The following USP2 variants were observed in gnomAD, a reference collection of about 807,000 sequenced individuals.
USP2 encodes the protein ubiquitin carboxyl-terminal hydrolase 2.
In USP2, 33 loss-of-function variants were observed where a neutral mutation model predicts 72.0. The ratio of observed to expected loss-of-function variants is 0.46; its 90% CI spans 0.35 to 0.61. The LOEUF is 0.61. Among genes scored for constraint, USP2 ranks in the 20% least tolerant of loss-of-function variants. The probability of loss-of-function intolerance (pLI) is 0.01; values close to 1 mark genes in which losing one functional copy is unlikely to be tolerated. For missense variants in USP2, 691 were observed against 797.8 expected (o/e 0.87, Z 1.61); for synonymous variants, 296 against 312.5 (o/e 0.95, Z 0.56).
At chr11:119,381,333 C>T (rs1191893068) in intron 1 of USP2, 140 bp downstream of exon 1, 14 of 927,330 alleles carry the variant, frequency 1.5e-5, no homozygotes, top group Admixed American at 2.7e-5. Context: ...ACAGCTGGAG[C>T]GTCCCTGCAC....
At chr11:119,357,736 C>A (rs1187513634) in intron 10 of USP2, 21 bp downstream of exon 10, 1 of 1,613,670 alleles carries the variant, frequency 6.2e-7, no homozygotes, top group Admixed American at 1.7e-5. Context: ...ATGTCCCAGC[C>A]CTGATGGATC....
chr11:119,360,401 GAATGC>G, intron 2 of USP2, 167 bp from the exon 3 acceptor site: 1 of 738,452 alleles, frequency 1.4e-6, no homozygotes, highest in South Asian at 1.5e-5. Flanking sequence ...GAGGATTGAG[GAATGC>G]CTGTGATTTT....
At chr11:119,376,265 AGGAGAGC>A in intron 1 of USP2, 1 of 985,674 alleles carries the variant, frequency 1.0e-6, no homozygotes, top group Non-Finnish European at 1.2e-6. Flanking sequence ...CACTATGGGC[AGGAGAGC>A]GGGCTGGGGC....
intron 2 of USP2, among the ~76,000 whole-genome samples, chr11:119,365,071 T>G (rs756883864): frequency 6.6e-6 from 1 of 152,050 alleles, no homozygotes; most frequent in Non-Finnish European, 1.5e-5. Flanking sequence ...GCCCCACCCC[T>G]CCACCTAACA....
In USP2 at chr11:119,357,489, T is replaced by C. The variant is rs1858413732; in HGVS notation, c.1603A>G (p.Asn535Asp). 7 of 1,614,172 alleles carry C rather than the reference T, an allele frequency of 4.3e-6. No individual in the cohort carries two copies. The highest frequency in any genetic ancestry group is 2.2e-5 in the East Asian group (1 of 44,870). The change falls in exon 11 of 13, where the codon AAC (asparagine) becomes GAC (aspartate). Residue 535 changes from asparagine (N) to aspartate (D), a missense_variant. Transcript: ENST00000260187. Reference sequence around the variant, plus strand: ...CCTACTCAAAGATACTCACTGGTGTTTTCTGAGGCAAATTCTCTTAAGTCC... The same window carrying C: ...CCTACTCAAAGATACTCACTGGTGTCTTCTGAGGCAAATTCTCTTAAGTCC... ...DLDLREFASENTNHAVYNLYA... is the reference protein window; with the variant it reads ...DLDLREFASEDTNHAVYNLYA...
chr11:119,379,396 T>G, intron 1 of USP2: 3 of 801,724 alleles, frequency 3.7e-6, no homozygotes, highest in Non-Finnish European at 4.5e-6. Context: ...GAGACAAAAA[T>G]ATGGAGAAAG....
intron 1 of USP2, among the ~76,000 whole-genome samples, chr11:119,376,899 A>C (rs1314787994): frequency 6.6e-6 from 1 of 152,252 alleles, no homozygotes; most frequent in Non-Finnish European, 1.5e-5. Context: ...GAGCACCCCA[A>C]AAAGTCTTAG....
Position 119,373,487 on chromosome 11 carries a change from G to A in USP2, c.-7C>T, listed in dbSNP as rs1214672291. 1 of 1,566,984 alleles carries A rather than the reference G, an allele frequency of 6.4e-7. No homozygotes were observed. Among genetic ancestry groups the A allele is most frequent in the African/African-American group, 1.3e-5 (1 of 74,422 alleles). On this transcript the variant is annotated 5_prime_UTR_variant, in exon 2 of 13. Coordinates refer to ENST00000260187, the MANE Select transcript of USP2 (RefSeq NM_004205.5). ...TGGAGGAGAGCTGGGACATCCTTCA[G>A]GGTGGCACTCAGTGGGGACTGGGAG... is the stretch of plus-strand genomic sequence containing the variant.
At chr11:119,381,435 GAAT>G (rs1377175854) in intron 1 of USP2, 35 bp downstream of exon 1, 3 of 1,534,140 alleles carry the variant, frequency 2.0e-6, no homozygotes, top group Non-Finnish European at 2.6e-6. Context: ...ACTGATCCCC[GAAT>G]CCCCCCTCCC....
intron 3 of USP2, among the ~76,000 whole-genome samples, 185 bp from the exon 4 acceptor site, chr11:119,359,845 C>A (rs900348665): frequency 1.3e-5 from 2 of 152,160 alleles, no homozygotes; most frequent in African/African-American, 4.8e-5. Context: ...CCACTCCAGG[C>A]ATAGGTGACC....
Position 119,356,572 on chromosome 11 carries a change from A to G in USP2, c.*263T>C, listed in dbSNP as rs1053109559. 8.1e-6 allele frequency: 4 copies of G among 491,772 alleles called. No individual in the cohort carries two copies. Among genetic ancestry groups the G allele is most frequent in the African/African-American group, 4.0e-5 (2 of 49,542 alleles). The allele number at this position is 491,772 out of a possible 1,614,324, so 30.5% of individuals were successfully genotyped here. A position where few individuals can be genotyped will look rare whatever the true frequency, so the allele number is the denominator to read the frequency against. On this transcript the variant is annotated 3_prime_UTR_variant, in exon 13 of 13. Coordinates refer to ENST00000260187, the MANE Select transcript of USP2 (RefSeq NM_004205.5). ...GTTTCTGACACATAGGAAGACCACAAGTTTACAAATGCAAACGCCGAGGGC... is the reference window on the plus strand; with the variant it reads ...GTTTCTGACACATAGGAAGACCACAGGTTTACAAATGCAAACGCCGAGGGC...
At chr11:119,360,480 G>A (rs1050862443) in intron 2 of USP2, 21 of 557,482 alleles carry the variant, frequency 3.8e-5, no homozygotes, top group Non-Finnish European at 6.7e-5. Flanking sequence ...CTGGAGTGCA[G>A]TGGTACGATC....
intron 2 of USP2, among the ~76,000 whole-genome samples, chr11:119,361,287 G>A (rs1950761349): frequency 6.6e-6 from 1 of 152,194 alleles, no homozygotes; most frequent in Non-Finnish European, 1.5e-5. Context: ...CGGGTGAGGG[G>A]GTTGGAGAGA....
At chr11:119,363,840 C>A in intron 2 of USP2, 1 of 1,410,362 alleles carries the variant, frequency 7.1e-7, no homozygotes, top group South Asian at 1.5e-5. Context: ...CGGAAAAGGG[C>A]CCGCGTACCT....
In USP2 at chr11:119,359,560, T is replaced by A; in HGVS notation, c.926A>T (p.Asn309Ile). 6.2e-7 allele frequency: 1 copy of A among 1,613,972 alleles called. No homozygotes were observed. Among genetic ancestry groups the A allele is most frequent in the Non-Finnish European group, 8.5e-7 (1 of 1,180,006 alleles). ...LYMRDLHHGS[N>I]AHTALVEEFA... is the part of the protein sequence containing the mutation. ...ACCTTCCACGAGGGCTGTGTGTGCA[T>A]TGCTGCCGTGGTGCAGGTCCCGCAT... Residue 309 changes from asparagine (N) to isoleucine (I), a missense_variant, in exon 4 of 13, where the codon AAT becomes ATT. Coordinates refer to ENST00000260187, the MANE Select transcript of USP2 (RefSeq NM_004205.5).
At chr11:119,360,267 A>C (rs1292939827) in intron 2 of USP2, 33 bp from the exon 3 acceptor site, 1 of 1,612,018 alleles carries the variant, frequency 6.2e-7, no homozygotes, top group Non-Finnish European at 8.5e-7. Flanking sequence ...AATAAGGTGG[A>C]AGCAAAGATG....
At chr11:119,371,090 G>C (rs182340997) in intron 2 of USP2, among the ~76,000 whole-genome samples, 44 of 152,296 alleles carry the variant, frequency 2.9e-4, no homozygotes, top group Non-Finnish European at 5.0e-4. Flanking sequence ...GGAAAGAGCA[G>C]CTTCCCAGGC....
rs973522439 is a variant in USP2 at position 119,355,947 on chromosome 11, G to C, written c.*888C>G. On this transcript the variant is annotated 3_prime_UTR_variant, in exon 13 of 13. Transcript: ENST00000260187. Reference sequence around the variant, plus strand: ...GTTTGAACAGAGCACTGGGGAAAAGGGAAGAGGCTGAGGGATATTTCAGGA... The same window carrying C: ...GTTTGAACAGAGCACTGGGGAAAAGCGAAGAGGCTGAGGGATATTTCAGGA... 6.6e-6 allele frequency: 1 copy of C among 151,892 alleles called. No individual in the cohort carries two copies. Among genetic ancestry groups the C allele is most frequent in the Admixed American group, 6.6e-5 (1 of 15,248 alleles). 9.4% of individuals were successfully genotyped at this position (151,892 alleles called of 1,614,324 possible).
intron 1 of USP2, among the ~76,000 whole-genome samples, chr11:119,381,151 G>A (rs1423240288): frequency 2.6e-5 from 4 of 152,278 alleles, no homozygotes; most frequent in Non-Finnish European, 5.9e-5. Flanking sequence ...GCACGCACAC[G>A]TGGGGAGGGG....
Sources: allele counts gnomAD v4.1 joint callset (sites outside exome capture counted in the v4.1 genomes callset), GRCh38; gene constraint gnomAD v4.1.1; transcripts MANE v1.5; gene names NCBI Gene and HGNC (gene_info 2026-07-23, HGNC 2026-07-21).